PDLIM5: variants seen among roughly 807,000 people sequenced by gnomAD.
PDLIM5 encodes PDZ and LIM domain protein 5.
Under a neutral mutation model 64.2 loss-of-function variants are expected in PDLIM5, and 34 were observed. The observed-to-expected ratio is 0.53, with a 90% confidence interval of 0.40 to 0.71. The LOEUF (loss-of-function observed/expected upper bound fraction) is 0.71. PDLIM5 is among the 30% of genes least tolerant of loss of function. PDLIM5 has a pLI of 0.00. For synonymous variants in PDLIM5, 253 were observed against 269.1 expected, an observed-to-expected ratio of 0.94 and a Z score of 0.59; for missense variants, 683 against 733.6, an observed-to-expected ratio of 0.93 and a Z score of 0.80.
chr4:94,493,908 G>A (rs935364610), intron 2 of PDLIM5, among the ~76,000 whole-genome samples: 1 of 152,036 alleles, frequency 6.6e-6, no homozygotes, highest in South Asian at 2.1e-4. Context: ...ATATCTTGCA[G>A]GTTGGTGTAA....
chr4:94,466,812 G>A (rs11938449), intron 2 of PDLIM5, among the ~76,000 whole-genome samples: 2,955 of 152,258 alleles, frequency 0.019, 73 homozygotes, highest in African/African-American at 0.061. Context: ...TTATGATGCT[G>A]TAAACACCTT....
intron 2 of PDLIM5, among the ~76,000 whole-genome samples, chr4:94,483,501 C>T (rs894811884): frequency 2.0e-5 from 3 of 152,024 alleles, no homozygotes; most frequent in Non-Finnish European, 1.5e-5. Context: ...ATCAGGACCC[C>T]AATAAGGTCC....
At chr4:94,606,324 C>T (rs978614215) in intron 7 of PDLIM5, among the ~76,000 whole-genome samples, 3 of 152,100 alleles carry the variant, frequency 2.0e-5, no homozygotes, top group African/African-American at 7.2e-5. Flanking sequence ...GCTATGACAG[C>T]ACATGACAGG....
At chr4:94,661,091 C>T (rs1345369589) in intron 11 of PDLIM5, among the ~76,000 whole-genome samples, 1 of 151,578 alleles carries the variant, frequency 6.6e-6, no homozygotes, top group African/African-American at 2.4e-5. Flanking sequence ...CTCAAAAAGA[C>T]AAAAAAGAAA....
chr4:94,660,189 C>T (rs934296901), intron 11 of PDLIM5, among the ~76,000 whole-genome samples: 2 of 152,094 alleles, frequency 1.3e-5, no homozygotes, highest in Non-Finnish European at 2.9e-5. Context: ...TGAGCCACCG[C>T]GCCCGGCCAA....
rs1742956433 is a variant in PDLIM5 at position 94,664,286 on chromosome 4, T to G, written c.*219T>G. On this transcript the variant is annotated 3_prime_UTR_variant, in exon 13 of 13. Transcript: ENST00000317968. ...TATTATTACTTTTTCCTGTATTTTA[T>G]GCCCATAAAATAAGCTTTATAAAAA... The G allele has an allele frequency of 2.2e-6, 2 of 914,580 alleles. No homozygotes were observed. Among genetic ancestry groups the G allele is most frequent in the South Asian group, 4.8e-5 (1 of 20,858 alleles). The allele number at this position is 914,580 out of a possible 1,614,324, so 56.7% of individuals were successfully genotyped here.
At chr4:94,489,758 C>T (rs1726690793) in intron 2 of PDLIM5, among the ~76,000 whole-genome samples, 1 of 152,102 alleles carries the variant, frequency 6.6e-6, no homozygotes, top group South Asian at 2.1e-4. Context: ...AAGGCCCCAT[C>T]TCTACAAAAT....
chr4:94,485,817 T>C (rs1375775975), intron 2 of PDLIM5, among the ~76,000 whole-genome samples: 3 of 136,512 alleles, frequency 2.2e-5, no homozygotes, highest in African/African-American at 8.5e-5. Context: ...GCCACTGCAC[T>C]CCAGCCTAGG....
chr4:94,558,660 A>G (rs983865255), intron 3 of PDLIM5, among the ~76,000 whole-genome samples: 6 of 152,216 alleles, frequency 3.9e-5, no homozygotes, highest in African/African-American at 1.2e-4. Context: ...ATTATATTCA[A>G]GTATGACTAA....
At chr4:94,519,101 C>T (rs759703798) in intron 2 of PDLIM5, among the ~76,000 whole-genome samples, 7 of 152,222 alleles carry the variant, frequency 4.6e-5, no homozygotes, top group South Asian at 2.1e-4. Flanking sequence ...CAGTGAATTA[C>T]GTTCTGAATG....
rs1396258511 is a variant in PDLIM5 at position 94,546,703 on chromosome 4, A to G, written c.248+22828A>G. On this transcript the variant is annotated intron_variant, in intron 3 of 12. Transcript: ENST00000317968. Reference sequence around the variant, plus strand: ...TATAGCTTGAAGTATTTTTTAAAATATAAAGCTAAATCTACGGTAAGTGGT... The same window carrying G: ...TATAGCTTGAAGTATTTTTTAAAATGTAAAGCTAAATCTACGGTAAGTGGT... Among the ~76,000 whole-genome samples the G allele has an allele frequency of 4.6e-5, 7 of 152,278 alleles. 1 individual carries two copies. The highest frequency in any genetic ancestry group is 4.1e-4 in the South Asian group (2 of 4,828).
At position 94,585,968 on chromosome 4, in the gene PDLIM5, G is replaced by A. The variant is rs1001861151; in HGVS notation, c.883+231G>A. Among the ~76,000 whole-genome samples the A allele has an allele frequency of 2.6e-4, 39 of 152,170 alleles. No homozygotes were observed. The South Asian group carries it at 3.1e-3, about 12-fold the overall frequency. ...AGGCAGATCATGAGGTCATGAGTTC[G>A]AGACCAGACTAGCCAACATGGTGAA... On this transcript the variant is annotated intron_variant, in intron 6 of 12. Transcript: ENST00000317968.
Position 94,575,815 on chromosome 4 carries a change from C to T in PDLIM5, c.491C>T (p.Ser164Leu), listed in dbSNP as rs1333676785. ...ACCACCTCATCACATGCTTCCCCTT[C>T]ACCCGTGGCTGCCGTCACTCCTCCC... Reference protein sequence around the residue: ...HATTSSHASPSPVAAVTPPLF... With the variant: ...HATTSSHASPLPVAAVTPPLF... Residue 164 changes from serine to leucine, a missense_variant, in exon 5 of 13, where the codon TCA becomes TTA. By Grantham distance (145) the Ser-to-Leu change is moderately radical. Coordinates refer to ENST00000317968, the MANE Select transcript of PDLIM5 (RefSeq NM_006457.5). 4 of 1,614,052 alleles carry T rather than the reference C, an allele frequency of 2.5e-6. No homozygotes were observed. The highest frequency in any genetic ancestry group is 3.3e-5 in the Admixed American group (2 of 60,008).
intron 7 of PDLIM5, among the ~76,000 whole-genome samples, chr4:94,604,868 T>G (rs968486888): frequency 6.6e-6 from 1 of 152,276 alleles, no homozygotes; most frequent in Non-Finnish European, 1.5e-5. Flanking sequence ...TTTACCACAG[T>G]TTTTAAAATG....
chr4:94,665,512 A>C lies in PDLIM5; in HGVS notation c.*1445A>C. The C allele has an allele frequency of 2.9e-6, 2 of 695,828 alleles. No individual in the cohort carries two copies. Among genetic ancestry groups the C allele is most frequent in the Non-Finnish European group, 3.5e-6 (2 of 569,438 alleles). The allele number at this position is 695,828 out of a possible 1,614,324, so 43.1% of individuals were successfully genotyped here. Reference sequence around the variant, plus strand: ...AAAAAAAAAAAAAAAAAAAAGAGAGAGAGAGAATAAATAGAAAAGAATGTG... The same window carrying C: ...AAAAAAAAAAAAAAAAAAAAGAGAGCGAGAGAATAAATAGAAAAGAATGTG... On this transcript the variant is annotated 3_prime_UTR_variant, in exon 13 of 13. Coordinates refer to ENST00000317968, the MANE Select transcript of PDLIM5 (RefSeq NM_006457.5).
intron 3 of PDLIM5, among the ~76,000 whole-genome samples, chr4:94,551,428 A>G (rs1313820567): frequency 6.6e-6 from 1 of 152,158 alleles, no homozygotes; most frequent in East Asian, 1.9e-4. Flanking sequence ...ATGAAAGGGT[A>G]TCCCTTGAAT....
chr4:94,629,971 A>T (rs1012287664), intron 8 of PDLIM5, among the ~76,000 whole-genome samples: 7 of 152,204 alleles, frequency 4.6e-5, no homozygotes, highest in Non-Finnish European at 8.8e-5. Context: ...AAGGAGCTTG[A>T]CAGACAAAAT....
chr4:94,552,088 A>C (rs1384209463), intron 3 of PDLIM5, among the ~76,000 whole-genome samples: 1 of 152,166 alleles, frequency 6.6e-6, no homozygotes, highest in East Asian at 1.9e-4. Context: ...AATGCCCAAG[A>C]GTGTGACTTT....
chr4:94,498,722 G>A (rs1386456445), intron 2 of PDLIM5, among the ~76,000 whole-genome samples: 2 of 152,204 alleles, frequency 1.3e-5, no homozygotes, highest in Non-Finnish European at 2.9e-5. Context: ...GGAAACTGAT[G>A]TGGGTGGGAA....
Sources: gnomAD v4.1 joint callset for allele counts (sites outside exome capture counted in the v4.1 genomes callset) on GRCh38, gnomAD v4.1.1 for gene constraint, MANE v1.5 for transcripts, NCBI Gene and HGNC (gene_info 2026-07-23, HGNC 2026-07-21) for gene names.